Variants in ELP5 observed in about 807,000 individuals in gnomAD.
The protein encoded by ELP5 is elongator complex protein 5.
In ELP5, 34 loss-of-function variants were observed where a neutral mutation model predicts 33.4. The ratio of observed to expected loss-of-function variants is 1.02; its 90% CI spans 0.78 to 1.36. The LOEUF is 1.36. Among genes scored for constraint, ELP5 ranks in the 40% most tolerant of loss-of-function variants. The pLI, the probability that ELP5 is intolerant of heterozygous loss-of-function variation, is 0.00. For missense variants in ELP5, 373 were observed against 371.7 expected (o/e 1.00, Z -0.03); for synonymous variants, 161 against 146.4 (o/e 1.10, Z -0.72).
intron 7 of ELP5, 128 bp from the exon 8 acceptor site, chr17:7,259,443 G>A (rs2072160401): frequency 1.1e-5 from 17 of 1,509,918 alleles, no homozygotes; most frequent in Non-Finnish European, 1.5e-5. Context: ...CAGAGAAAGG[G>A]ACTTGGACCA....
chr17:7,254,543 A>T, intron 3 of ELP5, 40 bp from the exon 4 acceptor site: 2 of 1,457,764 alleles, frequency 1.4e-6, no homozygotes, highest in Admixed American at 2.0e-5. Context: ...CTCTCGGGGG[A>T]AGGGGCAATA....
intron 5 of ELP5, among the ~76,000 whole-genome samples, chr17:7,257,552 T>C (rs1195478841): frequency 6.6e-6 from 1 of 151,614 alleles, no homozygotes; most frequent in Admixed American, 6.6e-5. Flanking sequence ...TGCCTCAGCC[T>C]CTGGTGTAGC....
At chr17:7,252,159 G>GGGCCTGAGGCGA, upstream of ELP5, 1 of 368,446 alleles carries the variant, frequency 2.7e-6, no homozygotes, top group South Asian at 2.3e-5. Flanking sequence ...CCGCGGGGCG[G>GGGCCTGAGGCGA]GGCCTGAGGC....
At chr17:7,259,103 T>C in intron 7 of ELP5, 177 bp downstream of exon 7, 1 of 1,449,874 alleles carries the variant, frequency 6.9e-7, no homozygotes, top group Non-Finnish European at 9.0e-7. Flanking sequence ...AGGACCTTTA[T>C]GTCTCTTTTC....
At chr17:7,255,923 G>A (rs1403956560) in intron 4 of ELP5, among the ~76,000 whole-genome samples, 1 of 152,000 alleles carries the variant, frequency 6.6e-6, no homozygotes, top group Non-Finnish European at 1.5e-5. Context: ...GGGTGTGGTG[G>A]TGCACGCCTG....
At position 7,258,872 on chromosome 17, in the gene ELP5, AAGAG is replaced by A. The variant is rs774974229; in HGVS notation, c.740_743del (p.Arg247LysfsTer6). The A allele has an allele frequency of 1.5e-5, 24 of 1,614,022 alleles. No homozygotes were observed. The highest frequency in any genetic ancestry group is 4.4e-5 in the South Asian group (4 of 91,076). ...ACCTTTAACCTTCACCTGTCCAAGA[AAGAG>A]AGAGAAGCCAGAGATAGCCTGATCC... On this transcript the variant is annotated frameshift_variant, in exon 7 of 8. Coordinates refer to ENST00000396628, the MANE Select transcript of ELP5 (RefSeq NM_203414.3). LOFTEE classifies it high-confidence loss of function.
At chr17:7,259,162 T>G (rs1249414798) in intron 7 of ELP5, 1 of 1,407,998 alleles carries the variant, frequency 7.1e-7, no homozygotes, top group Admixed American at 2.9e-5. Context: ...CAGAGCACCC[T>G]GGGCCTGGGC....
At chr17:7,255,136 C>G (rs903835561) in intron 4 of ELP5, among the ~76,000 whole-genome samples, 1 of 151,854 alleles carries the variant, frequency 6.6e-6, no homozygotes, top group Admixed American at 6.6e-5. Context: ...TCCAGGAGCT[C>G]GAAGTCCCAT....
Position 7,252,419 on chromosome 17 carries a change from A to T in ELP5, c.-132A>T. On this transcript the variant is annotated 5_prime_UTR_variant, in exon 1 of 8. Coordinates refer to ENST00000396628, the MANE Select transcript of ELP5 (RefSeq NM_203414.3). The stretch of plus-strand genomic sequence containing the variant: ...GGAATATTGAACATAATCACCTCTC[A>T]TTCCAGACTATGTTAGGTCTTAATG... The T allele has an allele frequency of 1.4e-6, 2 of 1,400,618 alleles. No homozygotes were observed. Among genetic ancestry groups the T allele is most frequent in the Non-Finnish European group, 2.0e-6 (2 of 1,004,532 alleles). The allele number at this position is 1,400,618 out of a possible 1,614,324, so 86.8% of individuals were successfully genotyped here.
At position 7,259,568 on chromosome 17, in the gene ELP5, C is replaced by G; in HGVS notation, c.789-3C>G. Reference sequence around the variant, plus strand: ...TCACCAGCACCAAATCTTCCCTTCTCAGACAGCAGGCTCTCCTGCGGCCTA... The same window carrying G: ...TCACCAGCACCAAATCTTCCCTTCTGAGACAGCAGGCTCTCCTGCGGCCTA... On this transcript the variant is annotated splice_region_variant and splice_polypyrimidine_tract_variant and intron_variant, in intron 7 of 7. Coordinates refer to ENST00000396628, the MANE Select transcript of ELP5 (RefSeq NM_203414.3). 6.2e-7 allele frequency: 1 copy of G among 1,614,142 alleles called. No individual in the cohort carries two copies. The highest frequency in any genetic ancestry group is 8.5e-7 in the Non-Finnish European group (1 of 1,179,992).
Position 7,256,869 on chromosome 17 carries a change from C to T in ELP5, c.422C>T (p.Ser141Leu), listed in dbSNP as rs994804246. 1.1e-5 allele frequency: 17 copies of T among 1,614,098 alleles called. No individual in the cohort carries two copies. Among genetic ancestry groups the T allele is most frequent in the Admixed American group, 1.7e-5 (1 of 59,996 alleles). Residue 141 changes from serine (S) to leucine (L), a missense_variant, in exon 5 of 8, where the codon TCA (serine) becomes TTA (leucine). Coordinates refer to ENST00000396628, the MANE Select transcript of ELP5 (RefSeq NM_203414.3). ...TGTCCTCCTCTAGGTGACAGCTCCT[C>T]AGTGGGGAAAGTGAGTGTGCTGGGC... The part of the protein sequence containing the change: ...HQDSCPGDSS[S>L]VGKVSVLGLL...
In ELP5 at chr17:7,258,945, T is replaced by C. The variant is rs370419317; in HGVS notation, c.788+19T>C. 1.3e-5 allele frequency: 21 copies of C among 1,613,956 alleles called. No homozygotes were observed. In the African/African-American group the frequency reaches 1.9e-4, roughly 14 times the overall value. The stretch of plus-strand genomic sequence containing the variant: ...CTGAAAAGTAAGGTTGGGACCTGGG[T>C]ACGTGGATCCCTGAGTAGATCCCAG... On this transcript the variant is annotated intron_variant, in intron 7 of 7. Transcript: ENST00000396628.
Position 7,258,652 on chromosome 17 carries a change from C to T in ELP5, c.656C>T (p.Ser219Phe), listed in dbSNP as rs150417135. Residue 219 changes from serine to phenylalanine, a missense_variant, in exon 6 of 8, where the codon TCC becomes TTC. Transcript: ENST00000396628. ...CTCCAAGAGGGGCCCTCTGTAGAGT[C>T]CCAGCCCTACTCCGATCCTCATATA... is the stretch of plus-strand genomic sequence containing the variant. ...LDLQEGPSVESQPYSDPHIPP... is the reference protein window; with the variant it reads ...LDLQEGPSVEFQPYSDPHIPP... 2.5e-5 allele frequency: 40 copies of T among 1,614,118 alleles called. No individual in the cohort carries two copies. In the African/African-American group the frequency reaches 4.7e-4, roughly 19 times the overall value.
rs375707033 is a variant in ELP5, at chr17:7,252,481, C to T, written c.-70C>T. On this transcript the variant is annotated 5_prime_UTR_variant, in exon 1 of 8. The change creates a premature stop within an existing upstream ORF in the 5' untranslated region. Coordinates refer to ENST00000396628, the MANE Select transcript of ELP5 (RefSeq NM_203414.3). ...CCCGAGTGCTCGGCCCGTTTCACCC[C>T]GAGGAGGAAGGACACTGGGTCATGA... 1.2e-6 allele frequency: 2 copies of T among 1,611,462 alleles called. No homozygotes were observed. Among genetic ancestry groups the T allele is most frequent in the Non-Finnish European group, 1.7e-6 (2 of 1,178,856 alleles).
In ELP5 at chr17:7,258,868, A is replaced by G. The variant is rs766078927; in HGVS notation, c.730A>G (p.Lys244Glu). The G allele has an allele frequency of 1.2e-6, 2 of 1,614,160 alleles. No individual in the cohort carries two copies. Among genetic ancestry groups the G allele is most frequent in the East Asian group, 4.5e-5 (2 of 44,878 alleles). ...THLTFNLHLS[K>E]KEREARDSLI... ...TTTGACCTTTAACCTTCACCTGTCCAAGAAAGAGAGAGAAGCCAGAGATAG... is the reference window on the plus strand; with the variant it reads ...TTTGACCTTTAACCTTCACCTGTCCGAGAAAGAGAGAGAAGCCAGAGATAG... Residue 244 changes from lysine to glutamate, a missense_variant, in exon 7 of 8, where the codon AAG (lysine) becomes GAG (glutamate). Transcript: ENST00000396628.
chr17:7,253,767 G>T (rs531786483), intron 3 of ELP5, among the ~76,000 whole-genome samples: 1 of 152,120 alleles, frequency 6.6e-6, no homozygotes, highest in South Asian at 2.1e-4. Context: ...AGGCTGAGGC[G>T]GGTGGATCAC....
Position 7,258,936 on chromosome 17 carries a change from G to A in ELP5, c.788+10G>A, listed in dbSNP as rs769189394. On this transcript the variant is annotated intron_variant, in intron 7 of 7. Transcript: ENST00000396628. Reference sequence around the variant, plus strand: ...AGTTCAGTTCTGAAAAGTAAGGTTGGGACCTGGGTACGTGGATCCCTGAGT... The same window carrying A: ...AGTTCAGTTCTGAAAAGTAAGGTTGAGACCTGGGTACGTGGATCCCTGAGT... 4 of 1,614,102 alleles carry A rather than the reference G, an allele frequency of 2.5e-6. No homozygotes were observed. In the East Asian group the frequency reaches 6.7e-5, roughly 27 times the overall value.
chr17:7,259,147 G>A, intron 7 of ELP5: 1 of 1,417,164 alleles, frequency 7.1e-7, no homozygotes. Flanking sequence ...AGCTCCAGTT[G>A]TCCCCAGAGC....
chr17:7,256,488 G>T (rs2072077882), intron 4 of ELP5, among the ~76,000 whole-genome samples: 1 of 152,198 alleles, frequency 6.6e-6, no homozygotes. Flanking sequence ...AAAAAGGGAG[G>T]CAGAGAATTG....
Sources: gnomAD v4.1 joint callset for allele counts (sites outside exome capture counted in the v4.1 genomes callset) on GRCh38, gnomAD v4.1.1 for gene constraint, MANE v1.5 for transcripts, NCBI Gene and HGNC (gene_info 2026-07-23, HGNC 2026-07-21) for gene names.